The following ANO6 variants were observed in gnomAD, a reference collection of about 807,000 sequenced individuals.
The protein encoded by ANO6 is anoctamin 6.
ANO6 carries 106 observed loss-of-function variants against 117.5 expected under a neutral mutation model. That is an observed-to-expected ratio of 0.90 (90% CI 0.77 to 1.06). ANO6 has a LOEUF of 1.06. ANO6 is among the 50% of genes least tolerant of loss of function. ANO6 has a pLI of 0.00. For missense variants in ANO6, 955 were observed against 1,121.1 expected, an observed-to-expected ratio of 0.85 and a Z score of 2.12; for synonymous variants, 367 against 385.1, an observed-to-expected ratio of 0.95 and a Z score of 0.55.
At chr12:45,304,531 A>G (rs1447251576) in intron 2 of ANO6, among the ~76,000 whole-genome samples, 1 of 152,154 alleles carries the variant, frequency 6.6e-6, no homozygotes, top group Non-Finnish European at 1.5e-5. Flanking sequence ...GGAAGGTCCA[A>G]CTGCAGTTTG....
At chr12:45,405,961 C>T (rs531914396) in intron 15 of ANO6, among the ~76,000 whole-genome samples, 110 of 152,156 alleles carry the variant, frequency 7.2e-4, no homozygotes, top group African/African-American at 2.5e-3. Context: ...CTATACCCAC[C>T]CCCCAAAAAT....
chr12:45,277,036 A>G (rs1431011461), intron 1 of ANO6, among the ~76,000 whole-genome samples: 1 of 152,206 alleles, frequency 6.6e-6, no homozygotes, highest in Non-Finnish European at 1.5e-5. Flanking sequence ...TCTCTGGTTA[A>G]CATAATTAAA....
intron 1 of ANO6, chr12:45,292,734 G>A: frequency 7.1e-7 from 1 of 1,408,112 alleles, no homozygotes. Context: ...AAGCAGAGCT[G>A]AAACAACACC....
At chr12:45,243,274 G>A (rs753540365) in intron 1 of ANO6, among the ~76,000 whole-genome samples, 2 of 152,176 alleles carry the variant, frequency 1.3e-5, no homozygotes, top group African/African-American at 2.4e-5. Flanking sequence ...AGCCATGATT[G>A]TGCCACTGCA....
At chr12:45,331,523 TATC>T (rs771964303) in intron 3 of ANO6, 100 bp downstream of exon 3, 17 of 1,102,190 alleles carry the variant, frequency 1.5e-5, no homozygotes, top group South Asian at 3.2e-5. Flanking sequence ...GATGTTGAAA[TATC>T]ATACACAAAA....
intron 1 of ANO6, among the ~76,000 whole-genome samples, chr12:45,292,232 A>G (rs1160065460): frequency 6.6e-6 from 1 of 152,214 alleles, no homozygotes; most frequent in Admixed American, 6.5e-5. Flanking sequence ...ATATTGTATA[A>G]CTCTATTTAT....
Position 45,347,080 on chromosome 12 carries a change from C to T in ANO6, c.338C>T (p.Thr113Ile). Residue 113 changes from threonine to isoleucine, a missense_variant, in exon 4 of 20, where the codon ACA becomes ATA. Thr to Ile is a moderately conservative substitution (Grantham distance 89). Coordinates refer to ENST00000320560, the MANE Select transcript of ANO6 (RefSeq NM_001025356.3). ...TGTCATGGCCTGCAGTTAGAAGCAA[C>T]AAGATCAGTAAGTACTGGTCCCTTT... ...LICHGLQLEA[T>I]RSVLDDKLVF... 2 of 1,613,970 alleles carry T rather than the reference C, an allele frequency of 1.2e-6. No individual in the cohort carries two copies. The highest frequency in any genetic ancestry group is 1.7e-6 in the Non-Finnish European group (2 of 1,179,936).
At chr12:45,287,013 C>A (rs1938939320) in intron 1 of ANO6, among the ~76,000 whole-genome samples, 1 of 152,200 alleles carries the variant, frequency 6.6e-6, no homozygotes, top group Non-Finnish European at 1.5e-5. Context: ...GATCGCCTAA[C>A]ATGGCCCAGG....
intron 1 of ANO6, among the ~76,000 whole-genome samples, chr12:45,237,108 G>A (rs1024678064): frequency 3.9e-5 from 6 of 152,088 alleles, no homozygotes; most frequent in Admixed American, 2.0e-4. Context: ...TGAATTCTTT[G>A]TAGATTCTGG....
intron 3 of ANO6, among the ~76,000 whole-genome samples, chr12:45,340,893 A>ACATATTAGCACAAAT (rs1565702935): frequency 1.3e-5 from 2 of 152,208 alleles, no homozygotes; most frequent in African/African-American, 4.8e-5. Flanking sequence ...TTTGACAAAT[A>ACATATTAGCACAAAT]TAGCACATAT....
At chr12:45,315,006 G>C (rs77597119) in intron 2 of ANO6, among the ~76,000 whole-genome samples, 3,243 of 152,132 alleles carry the variant, frequency 0.021, 125 homozygotes, top group African/African-American at 0.073. Flanking sequence ...GAAGTGGGAG[G>C]AGAGGATGTT....
At chr12:45,296,811 A>C (rs1939310501) in intron 1 of ANO6, among the ~76,000 whole-genome samples, 1 of 152,104 alleles carries the variant, frequency 6.6e-6, no homozygotes, top group South Asian at 2.1e-4. Flanking sequence ...TGTGAAAACG[A>C]GGGACAAAAA....
intron 2 of ANO6, among the ~76,000 whole-genome samples, chr12:45,323,478 A>G (rs1385984221): frequency 2.0e-5 from 3 of 152,230 alleles, no homozygotes; most frequent in African/African-American, 7.2e-5. Flanking sequence ...GAATGTACCC[A>G]ACACAGGTAG....
chr12:45,246,520 A>T (rs192005496), intron 1 of ANO6, among the ~76,000 whole-genome samples: 2 of 152,294 alleles, frequency 1.3e-5, no homozygotes, highest in East Asian at 3.9e-4. Flanking sequence ...CTGTGATAAT[A>T]TAGGGACACC....
chr12:45,242,346 G>A (rs947570124), intron 1 of ANO6, among the ~76,000 whole-genome samples: 1 of 152,278 alleles, frequency 6.6e-6, no homozygotes, highest in Non-Finnish European at 1.5e-5. Context: ...CGCACTAGCA[G>A]TGAGCAAGGC....
chr12:45,218,890 C>T (rs573435664), intron 1 of ANO6, among the ~76,000 whole-genome samples: 11 of 152,250 alleles, frequency 7.2e-5, no homozygotes, highest in Admixed American at 4.6e-4. Context: ...CACTTGGGTA[C>T]GGAAGATTTC....
chr12:45,230,908 G>A (rs1322692360), intron 1 of ANO6, among the ~76,000 whole-genome samples: 2 of 152,124 alleles, frequency 1.3e-5, no homozygotes, highest in African/African-American at 2.4e-5. Flanking sequence ...AGGAGTTCAA[G>A]ACCAGCCTGG....
intron 3 of ANO6, among the ~76,000 whole-genome samples, chr12:45,332,415 C>G (rs894117448): frequency 1.3e-5 from 2 of 151,906 alleles, no homozygotes; most frequent in African/African-American, 4.8e-5. Context: ...TCTTTCAAAT[C>G]AAGCGATAAA....
intron 16 of ANO6, among the ~76,000 whole-genome samples, chr12:45,411,314 G>A (rs2137664215): frequency 6.6e-6 from 1 of 152,264 alleles, no homozygotes; most frequent in African/African-American, 2.4e-5. Context: ...CTACAAGAAA[G>A]TATAGAATAA....
Sources: gnomAD v4.1 joint callset for allele counts (sites outside exome capture counted in the v4.1 genomes callset) on GRCh38, gnomAD v4.1.1 for gene constraint, MANE v1.5 for transcripts, NCBI Gene and HGNC (gene_info 2026-07-23, HGNC 2026-07-21) for gene names.